The following HS3ST2 variants were observed in gnomAD, a reference collection of about 807,000 sequenced individuals.
HS3ST2 encodes the protein heparan sulfate glucosamine 3-O-sulfotransferase 2.
A neutral mutation model predicts 26.3 loss-of-function variants in HS3ST2; 17 were observed. That is an observed-to-expected ratio of 0.65 (90% CI 0.44 to 0.97). HS3ST2 has a LOEUF of 0.97. HS3ST2 is among the 50% of genes least tolerant of loss of function. HS3ST2 has a pLI of 0.00. For synonymous variants in HS3ST2, 237 were observed against 219.2 expected (o/e 1.08, Z -0.72); for missense variants, 402 against 501.2 (o/e 0.80, Z 1.89).
At position 22,821,284 on chromosome 16, in the gene HS3ST2, G is replaced by A. The variant is rs116189533; in HGVS notation, c.485+6189G>A. Among the ~76,000 whole-genome samples, 623 of 151,666 alleles carry A rather than the reference G, an allele frequency of 4.1e-3. 3 individuals are homozygous for A. Among genetic ancestry groups the A allele is most frequent in the African/African-American group, 0.015 (600 of 41,310 alleles). The stretch of plus-strand genomic sequence containing the variant: ...GGAGACACATCCAAAGGGCCCTAGC[G>A]GATTTGAAGCAGAGTCAATGCTCAA... On this transcript the variant is annotated intron_variant, in intron 1 of 1. Coordinates refer to ENST00000261374, the MANE Select transcript of HS3ST2 (RefSeq NM_006043.2).
At chr16:22,869,928 A>T (rs1232635991) in intron 1 of HS3ST2, among the ~76,000 whole-genome samples, 1 of 151,992 alleles carries the variant, frequency 6.6e-6, no homozygotes, top group Non-Finnish European at 1.5e-5. Context: ...TGGGTCACAG[A>T]CTCCTTGAGA....
At chr16:22,824,630 T>G (rs750441123) in intron 1 of HS3ST2, among the ~76,000 whole-genome samples, 50 of 152,312 alleles carry the variant, frequency 3.3e-4, no homozygotes, top group Middle Eastern at 3.4e-3. Flanking sequence ...TTTTGCTTTC[T>G]CAGGCAGTTT....
At chr16:22,898,904 G>A (rs1027195993) in intron 1 of HS3ST2, among the ~76,000 whole-genome samples, 1 of 152,180 alleles carries the variant, frequency 6.6e-6, no homozygotes, top group Non-Finnish European at 1.5e-5. Context: ...ACATTCGGGA[G>A]TCAGATGGAA....
At chr16:22,910,037 C>CAAAAAAAAAAAAAAAA (rs774757407) in intron 1 of HS3ST2, among the ~76,000 whole-genome samples, 2 of 97,080 alleles carry the variant, frequency 2.1e-5, no homozygotes, top group Non-Finnish European at 4.1e-5. Flanking sequence ...AACTCCATCT[C>CAAAAAAAAAAAAAAAA]AAAAAAAAAA....
chr16:22,874,807 T>G (rs944658547), intron 1 of HS3ST2, among the ~76,000 whole-genome samples: 3 of 152,162 alleles, frequency 2.0e-5, no homozygotes, highest in African/African-American at 7.2e-5. Flanking sequence ...CCATTAACCT[T>G]AAAGGGCTGC....
Position 22,874,442 on chromosome 16 carries a change from A to G in HS3ST2, c.486-40502A>G, listed in dbSNP as rs568917041. Among the ~76,000 whole-genome samples the G allele has an allele frequency of 1.8e-4, 27 of 152,336 alleles. 1 individual carries two copies. The East Asian group carries it at 4.6e-3, about 26-fold the overall frequency. On this transcript the variant is annotated intron_variant, in intron 1 of 1. Coordinates refer to ENST00000261374, the MANE Select transcript of HS3ST2 (RefSeq NM_006043.2). ...TGGCAATTGCACTAACCAGGCTTCCAGCAAAGCCTAGACACCGCTGTCCTC... is the reference window on the plus strand; with the variant it reads ...TGGCAATTGCACTAACCAGGCTTCCGGCAAAGCCTAGACACCGCTGTCCTC...
At chr16:22,894,031 G>A (rs1902170986) in intron 1 of HS3ST2, among the ~76,000 whole-genome samples, 1 of 152,108 alleles carries the variant, frequency 6.6e-6, no homozygotes, top group Non-Finnish European at 1.5e-5. Flanking sequence ...ATGTTGCCCA[G>A]GCTGGTCTTG....
At chr16:22,882,192 T>G (rs1444622478) in intron 1 of HS3ST2, among the ~76,000 whole-genome samples, 1 of 152,086 alleles carries the variant, frequency 6.6e-6, no homozygotes, top group South Asian at 2.1e-4. Context: ...AGACCTCATC[T>G]CTACAGAAAA....
At chr16:22,849,590 C>T (rs1223568339) in intron 1 of HS3ST2, among the ~76,000 whole-genome samples, 1 of 152,122 alleles carries the variant, frequency 6.6e-6, no homozygotes, top group South Asian at 2.1e-4. Context: ...TCACTGTGGC[C>T]CCTCAGGGAC....
intron 1 of HS3ST2, among the ~76,000 whole-genome samples, chr16:22,865,961 A>G (rs541137486): frequency 5.1e-4 from 77 of 152,342 alleles, no homozygotes; most frequent in African/African-American, 1.8e-3. Context: ...TTTTTAAATT[A>G]GGCATTGATG....
chr16:22,864,302 G>C (rs1040687068), intron 1 of HS3ST2, among the ~76,000 whole-genome samples: 5 of 152,138 alleles, frequency 3.3e-5, no homozygotes, highest in Non-Finnish European at 5.9e-5. Context: ...AATTAGATAA[G>C]GCAGAAAGAG....
chr16:22,822,541 G>T (rs1156700171), intron 1 of HS3ST2, among the ~76,000 whole-genome samples: 1 of 152,034 alleles, frequency 6.6e-6, no homozygotes, highest in Non-Finnish European at 1.5e-5. Context: ...TTCCCCTTCA[G>T]TTTATATATT....
chr16:22,847,001 T>C (rs208963), intron 1 of HS3ST2, among the ~76,000 whole-genome samples: 30,382 of 152,048 alleles, frequency 0.2, 3,195 homozygotes, highest in African/African-American at 0.24. Context: ...TATTTTAGGT[T>C]AGGGGTACAC....
intron 1 of HS3ST2, among the ~76,000 whole-genome samples, chr16:22,897,612 T>A (rs1596630278): frequency 6.6e-6 from 1 of 152,362 alleles, no homozygotes; most frequent in East Asian, 1.9e-4. Flanking sequence ...GTAAAAGTGA[T>A]GACCTGGTTC....
At chr16:22,879,864 A>T (rs1474212264) in intron 1 of HS3ST2, among the ~76,000 whole-genome samples, 2 of 152,138 alleles carry the variant, frequency 1.3e-5, no homozygotes, top group South Asian at 4.1e-4. Context: ...CCATCAAAGC[A>T]TGGGGATTTT....
chr16:22,870,625 C>T (rs1341016967), intron 1 of HS3ST2, among the ~76,000 whole-genome samples: 2 of 152,160 alleles, frequency 1.3e-5, no homozygotes, highest in African/African-American at 4.8e-5. Flanking sequence ...CTGGCTTCCT[C>T]CCTGTCCCCC....
chr16:22,900,392 A>G (rs553375588), intron 1 of HS3ST2, among the ~76,000 whole-genome samples: 1 of 152,320 alleles, frequency 6.6e-6, no homozygotes, highest in Non-Finnish European at 1.5e-5. Flanking sequence ...AAGCTGACTC[A>G]GGCTGGAAGC....
At chr16:22,825,995 C>T (rs1037334160) in intron 1 of HS3ST2, among the ~76,000 whole-genome samples, 1 of 152,082 alleles carries the variant, frequency 6.6e-6, no homozygotes, top group Non-Finnish European at 1.5e-5. Flanking sequence ...TGCACTCCAG[C>T]CTAGACAAAA....
At chr16:22,906,094 C>T (rs1393071024) in intron 1 of HS3ST2, among the ~76,000 whole-genome samples, 3 of 152,198 alleles carry the variant, frequency 2.0e-5, no homozygotes, top group South Asian at 4.1e-4. Context: ...AGGTACCAGC[C>T]GGGCACGGTG....
Sources: allele counts gnomAD v4.1 joint callset (sites outside exome capture counted in the v4.1 genomes callset), GRCh38; gene constraint gnomAD v4.1.1; transcripts MANE v1.5; gene names NCBI Gene and HGNC (gene_info 2026-07-23, HGNC 2026-07-21).